Variants in PTPRT observed in about 807,000 individuals in gnomAD.
PTPRT encodes protein tyrosine phosphatase receptor type T.
Under a neutral mutation model 176.8 loss-of-function variants are expected in PTPRT, and 56 were observed. The ratio of observed to expected loss-of-function variants is 0.32; its 90% CI spans 0.26 to 0.40. The LOEUF (loss-of-function observed/expected upper bound fraction) is 0.40, where lower values mean the gene tolerates loss of function less well. Among genes scored for constraint, PTPRT ranks in the 10% least tolerant of loss-of-function variants. The probability of loss-of-function intolerance (pLI) is 1.00; values close to 1 mark genes in which losing one functional copy is unlikely to be tolerated. For missense variants in PTPRT, 1,540 were observed against 1,908.2 expected (o/e 0.81, Z 3.60); for synonymous variants, 783 against 739.0 (o/e 1.06, Z -0.96).
At chr20:42,839,020 A>G (rs555596198) in intron 2 of PTPRT, among the ~76,000 whole-genome samples, 22 of 152,234 alleles carry the variant, frequency 1.4e-4, no homozygotes, top group African/African-American at 5.3e-4. Flanking sequence ...TACTTTAAGT[A>G]TCTATCTCCC....
At position 43,189,018 on chromosome 20, in the gene PTPRT, C is replaced by T. The variant is rs554743089; in HGVS notation, c.88+628G>A. Among the ~76,000 whole-genome samples the T allele has an allele frequency of 4.6e-4, 70 of 152,320 alleles. No homozygotes were observed. The highest frequency in any genetic ancestry group is 7.2e-4 in the Admixed American group (11 of 15,304). On this transcript the variant is annotated intron_variant, in intron 1 of 30. Coordinates refer to ENST00000373187, the MANE Select transcript of PTPRT (RefSeq NM_007050.6). This position sits in a 1 kb window ranked among gnomAD's most constrained non-coding sequence, Gnocchi z 5.0. ...TCCCCTCCAAGGGCCTTAACACGGG[C>T]GCCCAGCTACCTCGGAGAAAAGCCA...
intron 7 of PTPRT, among the ~76,000 whole-genome samples, chr20:42,505,040 A>G (rs2071819768): frequency 6.6e-6 from 1 of 151,942 alleles, no homozygotes; most frequent in South Asian, 2.1e-4. Context: ...TCAAATCCCA[A>G]TGACCCCCTA....
chr20:43,127,716 A>G (rs1174561985), intron 1 of PTPRT, among the ~76,000 whole-genome samples: 1 of 152,198 alleles, frequency 6.6e-6, no homozygotes, highest in African/African-American at 2.4e-5. Context: ...AGTCATGGAC[A>G]TGTCCTTCTC....
At chr20:42,113,505 G>T (rs1987118142) in intron 22 of PTPRT, among the ~76,000 whole-genome samples, 1 of 152,236 alleles carries the variant, frequency 6.6e-6, no homozygotes, top group Admixed American at 6.5e-5. Flanking sequence ...CCACCCTGGA[G>T]GTTACCCCTC....
rs1315759187 is a variant in PTPRT at position 42,580,529 on chromosome 20, T to C, written c.1153+97337A>G. Among the ~76,000 whole-genome samples the C allele has an allele frequency of 1.1e-4, 17 of 152,208 alleles. No homozygotes were observed. The East Asian group carries it at 2.3e-3, about 21-fold the overall frequency. ...ATTTTCACGATATTGATTCTTCCTA[T>C]CCATGAGCATGGAATGTTCTTCCAT... On this transcript the variant is annotated intron_variant, in intron 7 of 30. Transcript: ENST00000373187.
chr20:42,039,133 C>G, the PTPRT span, among the ~76,000 whole-genome samples: 7 of 152,102 alleles, frequency 4.6e-5, no homozygotes, highest in African/African-American at 1.7e-4. Flanking sequence ...TTCAGGGAGA[C>G]TACTTGTGGA....
chr20:42,135,438 T>C (rs1360704334), intron 18 of PTPRT, among the ~76,000 whole-genome samples: 3 of 152,224 alleles, frequency 2.0e-5, no homozygotes, highest in Non-Finnish European at 1.5e-5. Context: ...CAGCCCAGAC[T>C]CACTGAATCA....
At chr20:43,008,535 A>G (rs781480534) in intron 1 of PTPRT, among the ~76,000 whole-genome samples, 10 of 151,982 alleles carry the variant, frequency 6.6e-5, no homozygotes, top group Non-Finnish European at 7.4e-5. Context: ...TACTAAAAAT[A>G]CAAAAGTTAG....
chr20:42,882,790 C>A (rs1258664335), intron 2 of PTPRT, among the ~76,000 whole-genome samples: 2 of 152,204 alleles, frequency 1.3e-5, no homozygotes, highest in Non-Finnish European at 2.9e-5. Context: ...GGATGAATAA[C>A]ACCTGCTGTG....
At position 42,104,276 on chromosome 20, in the gene PTPRT, C is replaced by A. The variant is rs566207042; in HGVS notation, c.3540+293G>T. 5.9e-5 allele frequency among the ~76,000 whole-genome samples: 9 copies of A among 152,202 alleles called. No individual in the cohort carries two copies. The South Asian group carries it at 1.7e-3, about 28-fold the overall frequency. On this transcript the variant is annotated intron_variant, in intron 25 of 30. Transcript: ENST00000373187. ...TTGAGCCCAGGAGTTGAAGACCATC[C>A]TGGGCAACATAGTGAGATCCTATCT...
rs139305498 is a variant in PTPRT at position 42,346,439 on chromosome 20, G to A, written c.1865+4189C>T. Among the ~76,000 whole-genome samples, 252 of 152,298 alleles carry A rather than the reference G, an allele frequency of 1.7e-3. 1 individual carries two copies. Among genetic ancestry groups the A allele is most frequent in the African/African-American group, 5.8e-3 (240 of 41,578 alleles). ...AGCCAGAACTGAATATTAGATTCTAGTCACTATTTGATTGATCTTTTAAGC... is the reference window on the plus strand; with the variant it reads ...AGCCAGAACTGAATATTAGATTCTAATCACTATTTGATTGATCTTTTAAGC... On this transcript the variant is annotated intron_variant, in intron 11 of 30. Coordinates refer to ENST00000373187, the MANE Select transcript of PTPRT (RefSeq NM_007050.6).
chr20:43,115,241 G>A (rs1380520454), intron 1 of PTPRT, among the ~76,000 whole-genome samples: 1 of 152,178 alleles, frequency 6.6e-6, no homozygotes, highest in Non-Finnish European at 1.5e-5. Flanking sequence ...CACAGGAGCT[G>A]AGAAGGTGCC....
At chr20:42,540,010 C>G (rs1002536794) in intron 7 of PTPRT, among the ~76,000 whole-genome samples, 1 of 152,134 alleles carries the variant, frequency 6.6e-6, no homozygotes, top group Non-Finnish European at 1.5e-5. Flanking sequence ...ACAAAATTCC[C>G]TAGATGTGAA....
chr20:42,898,632 C>G (rs1309463086), intron 1 of PTPRT, among the ~76,000 whole-genome samples: 1 of 152,098 alleles, frequency 6.6e-6, no homozygotes, highest in Non-Finnish European at 1.5e-5. Flanking sequence ...CTGTTCAGAC[C>G]ATCTTCTCTA....
rs894233857 is a variant in PTPRT, at chr20:42,976,437, G to A, written c.89-90505C>T. Among the ~76,000 whole-genome samples the A allele has an allele frequency of 7.3e-5, 11 of 151,066 alleles. No homozygotes were observed. The East Asian group carries it at 1.2e-3, about 16-fold the overall frequency. Reference sequence around the variant, plus strand: ...TTTTTTTTTATTGAGACAGAGTCTCGCTCTGTCGCCCAGGCTCAAGTGCAG... The same window carrying A: ...TTTTTTTTTATTGAGACAGAGTCTCACTCTGTCGCCCAGGCTCAAGTGCAG... On this transcript the variant is annotated intron_variant, in intron 1 of 30. Coordinates refer to ENST00000373187, the MANE Select transcript of PTPRT (RefSeq NM_007050.6).
the PTPRT span, among the ~76,000 whole-genome samples, chr20:42,044,010 A>G: frequency 6.6e-6 from 1 of 152,242 alleles, no homozygotes. Flanking sequence ...CCTTCAGGCA[A>G]CAAAGACTCA....
chr20:42,066,143 G>A, the PTPRT span, among the ~76,000 whole-genome samples: 4 of 149,282 alleles, frequency 2.7e-5, no homozygotes, highest in East Asian at 2.0e-4. Context: ...GGGTTCAAAC[G>A]ATTCTCCTGC....
chr20:42,253,010 A>G (rs2056573975), intron 13 of PTPRT, among the ~76,000 whole-genome samples: 1 of 152,184 alleles, frequency 6.6e-6, no homozygotes, highest in Non-Finnish European at 1.5e-5. Flanking sequence ...TAGACTCTGG[A>G]TATTTGTGCC....
At chr20:42,901,556 G>GT (rs1408929635) in intron 1 of PTPRT, among the ~76,000 whole-genome samples, 1 of 151,970 alleles carries the variant, frequency 6.6e-6, no homozygotes, top group Non-Finnish European at 1.5e-5. Flanking sequence ...CTCCTGGCAC[G>GT]TCCCCCACGG....
Sources: allele counts gnomAD v4.1 joint callset (sites outside exome capture counted in the v4.1 genomes callset), GRCh38; gene constraint gnomAD v4.1.1; non-coding constraint Gnocchi (gnomAD v3.1); transcripts MANE v1.5; gene names NCBI Gene and HGNC (gene_info 2026-07-23, HGNC 2026-07-21).